ACTR8: variants seen among roughly 807,000 people sequenced by gnomAD.
ACTR8 encodes actin-related protein 8.
Under a neutral mutation model 84.3 loss-of-function variants are expected in ACTR8, and 70 were observed. The ratio of observed to expected loss-of-function variants is 0.83; its 90% CI spans 0.68 to 1.01. The LOEUF is 1.01. Among genes scored for constraint, ACTR8 ranks in the 50% least tolerant of loss-of-function variants. The pLI is 0.00. For missense variants in ACTR8, 672 were observed against 775.4 expected (o/e 0.87, Z 1.58); for synonymous variants, 268 against 275.2 (o/e 0.97, Z 0.26).
intron 8 of ACTR8, among the ~76,000 whole-genome samples, chr3:53,873,690 C>T (rs2107059808): frequency 6.6e-6 from 1 of 152,286 alleles, no homozygotes; most frequent in East Asian, 1.9e-4. Flanking sequence ...CTAAAAAAAT[C>T]AAACTTTTCC....
Position 53,872,468 on chromosome 3 carries a change from C to T in ACTR8, c.1218G>A (p.Thr406=), listed in dbSNP as rs2107056714. The change falls in exon 10 of 13, where the codon ACG becomes ACA. Residue 406 remains threonine (T), a synonymous_variant. Coordinates refer to ENST00000335754, the MANE Select transcript of ACTR8 (RefSeq NM_022899.5). ...CGCCCTGAGATCTGTGCTGCAAAGT[C>T]GTCATTTTCTGTCCAACGATTCCAA... ...ATFGIVGQKM[T]TLQHRSQGDP... The T allele has an allele frequency of 1.9e-6, 3 of 1,610,474 alleles. No homozygotes were observed. Among genetic ancestry groups the T allele is most frequent in the Middle Eastern group, 1.7e-4 (1 of 6,050 alleles).
At chr3:53,880,312 T>C (rs1160472682) in intron 1 of ACTR8, among the ~76,000 whole-genome samples, 1 of 152,232 alleles carries the variant, frequency 6.6e-6, no homozygotes, top group Admixed American at 6.5e-5. Context: ...ACCTGAGTTA[T>C]AGTACATAGC....
chr3:53,873,311 T>C (rs1431693212), intron 8 of ACTR8, among the ~76,000 whole-genome samples, 184 bp from the exon 9 acceptor site: 1 of 152,230 alleles, frequency 6.6e-6, no homozygotes, highest in Non-Finnish European at 1.5e-5. Flanking sequence ...CTATTTAACA[T>C]TTCTGGAATT....
intron 12 of ACTR8, among the ~76,000 whole-genome samples, chr3:53,869,345 T>A (rs1277522997): frequency 6.6e-6 from 1 of 152,228 alleles, no homozygotes; most frequent in African/African-American, 2.4e-5. Context: ...AGAAAACTTT[T>A]AAATTTTTAT....
At chr3:53,881,775 G>T in intron 1 of ACTR8, 1 of 793,740 alleles carries the variant, frequency 1.3e-6, no homozygotes, top group Non-Finnish European at 1.9e-6. Context: ...CGGGGGCTCC[G>T]CCTGGCTCCT....
In ACTR8 at chr3:53,874,375, G is replaced by T. The variant is rs190466555; in HGVS notation, c.912-11C>A. On this transcript the variant is annotated splice_polypyrimidine_tract_variant and intron_variant, in intron 7 of 12. Coordinates refer to ENST00000335754, the MANE Select transcript of ACTR8 (RefSeq NM_022899.5). Reference sequence around the variant, plus strand: ...TATGCCAGACAAAGCCTAAAGTTAAGAGAAAAGGGTAGATGGTTAATCTGT... The same window carrying T: ...TATGCCAGACAAAGCCTAAAGTTAATAGAAAAGGGTAGATGGTTAATCTGT... The T allele has an allele frequency of 1.9e-6, 3 of 1,610,844 alleles. No individual in the cohort carries two copies. Among genetic ancestry groups the T allele is most frequent in the Non-Finnish European group, 2.5e-6 (3 of 1,178,966 alleles).
At chr3:53,872,679 G>C (rs1178701660) in intron 9 of ACTR8, among the ~76,000 whole-genome samples, 155 bp from the exon 10 acceptor site, 1 of 152,110 alleles carries the variant, frequency 6.6e-6, no homozygotes, top group Non-Finnish European at 1.5e-5. Context: ...TTATTTCTCT[G>C]GTGCACCATA....
rs1699806532 is a variant in ACTR8, at chr3:53,867,295, C to G, written c.*1424G>C. ...GCTGATCCAAAATTGTGTTGAAACA[C>G]CTCAGAAACATAAATGACATCAATA... is the stretch of plus-strand genomic sequence containing the variant. On this transcript the variant is annotated 3_prime_UTR_variant, in exon 13 of 13. Transcript: ENST00000335754. 6.6e-6 allele frequency: 1 copy of G among 152,144 alleles called. No homozygotes were observed. The highest frequency in any genetic ancestry group is 6.5e-5 in the Admixed American group (1 of 15,276). 9.4% of individuals were successfully genotyped at this position (152,144 alleles called of 1,614,324 possible).
chr3:53,878,555 G>A, intron 2 of ACTR8, 88 bp from the exon 3 acceptor site: 1 of 796,574 alleles, frequency 1.3e-6, no homozygotes, highest in Non-Finnish European at 2.1e-6. Context: ...CCAATCTTTG[G>A]AAATGCTCCT....
chr3:53,872,238 C>CAA (rs1699893398), intron 10 of ACTR8, 146 bp downstream of exon 10: 8 of 956,538 alleles, frequency 8.4e-6, no homozygotes, highest in Non-Finnish European at 7.2e-6. Flanking sequence ...ATTTTAAACT[C>CAA]AGACTTCAGT....
chr3:53,881,800 C>T, intron 1 of ACTR8, 179 bp downstream of exon 1: 1 of 1,041,796 alleles, frequency 9.6e-7, no homozygotes, highest in South Asian at 1.6e-5. Flanking sequence ...CTCCGCACCT[C>T]CCAGCCCTCG....
Position 53,876,689 on chromosome 3 carries a change from G to A in ACTR8, c.709C>T (p.Pro237Ser). Residue 237 changes from proline (P) to serine (S), a missense_variant, in exon 6 of 13, where the codon CCT becomes TCT. Physicochemically the swap from Pro to Ser is moderately conservative, Grantham distance 74. Transcript: ENST00000335754. ...ACATGCTGCTTATTATAGATATCAG[G>A]AATTAACAAGATACATCTATAATAC... ...LKYYRCILLI[P>S]DIYNKQHVKE... 4 of 1,525,970 alleles carry A rather than the reference G, an allele frequency of 2.6e-6. No individual in the cohort carries two copies. Among genetic ancestry groups the A allele is most frequent in the South Asian group, 2.3e-5 (2 of 85,708 alleles). 94.5% of individuals were successfully genotyped at this position (1,525,970 alleles called of 1,614,324 possible).
At chr3:53,880,769 C>T (rs1321461872) in intron 1 of ACTR8, among the ~76,000 whole-genome samples, 2 of 152,198 alleles carry the variant, frequency 1.3e-5, no homozygotes, top group Non-Finnish European at 2.9e-5. Context: ...GTGTCTTCCA[C>T]ACTGTTCTTC....
downstream of ACTR8, chr3:53,864,701 G>A (rs777733479): frequency 2.9e-6 from 4 of 1,379,458 alleles, no homozygotes; most frequent in African/African-American, 5.7e-5. Context: ...GTGAAAGCCT[G>A]CTGTTTGCTG....
intron 4 of ACTR8, 61 bp downstream of exon 4, chr3:53,877,586 T>A: frequency 6.5e-7 from 1 of 1,547,860 alleles, no homozygotes; most frequent in Non-Finnish European, 8.9e-7. Flanking sequence ...GCAACGTAAA[T>A]GAATTTTAGG....
Position 53,874,026 on chromosome 3 carries a change from G to A in ACTR8, c.1065+185C>T, listed in dbSNP as rs577076539. On this transcript the variant is annotated intron_variant, in intron 8 of 12. Transcript: ENST00000335754. ...TTTTTATTAGAGACGGAGTTTCACCGTGTTAGCCAGGATGGTCTTGATCTC... is the reference window on the plus strand; with the variant it reads ...TTTTTATTAGAGACGGAGTTTCACCATGTTAGCCAGGATGGTCTTGATCTC... Among the ~76,000 whole-genome samples the A allele has an allele frequency of 2.9e-4, 44 of 151,958 alleles. 1 individual carries two copies. The highest frequency in any genetic ancestry group is 2.4e-3 in the Admixed American group (36 of 15,262).
downstream of ACTR8, among the ~76,000 whole-genome samples, chr3:53,863,418 A>G (rs762176813): frequency 6.6e-6 from 1 of 152,192 alleles, no homozygotes; most frequent in Non-Finnish European, 1.5e-5. Flanking sequence ...CCTCTTCTCC[A>G]TATGTAGGAA....
downstream of ACTR8, chr3:53,865,481 G>A (rs1576855184): frequency 3.7e-6 from 2 of 538,586 alleles, no homozygotes; most frequent in East Asian, 5.8e-5. Context: ...ATTAACTAAC[G>A]ATTGGAAACT....
intron 9 of ACTR8, among the ~76,000 whole-genome samples, chr3:53,872,760 A>G (rs769451013): frequency 1.1e-4 from 17 of 152,212 alleles, no homozygotes; most frequent in Non-Finnish European, 2.1e-4. Flanking sequence ...CTCAAAGCAA[A>G]TATCAAGTAC....
Sources: gnomAD v4.1 joint callset for allele counts (sites outside exome capture counted in the v4.1 genomes callset) on GRCh38, gnomAD v4.1.1 for gene constraint, MANE v1.5 for transcripts, NCBI Gene and HGNC (gene_info 2026-07-23, HGNC 2026-07-21) for gene names.